The following XPO4 variants were observed in gnomAD, a reference collection of about 807,000 sequenced individuals.
The protein encoded by XPO4 is exportin-4.
In XPO4, 39 loss-of-function variants were observed where a neutral mutation model predicts 143.0. The ratio of observed to expected loss-of-function variants is 0.27; its 90% confidence interval spans 0.21 to 0.36. XPO4 has a LOEUF of 0.36. Among genes scored for constraint, XPO4 ranks in the 10% least tolerant of loss-of-function variants. The probability of loss-of-function intolerance (pLI) is 1.00; values close to 1 mark genes in which losing one functional copy is unlikely to be tolerated. For synonymous variants in XPO4, 439 were observed against 474.0 expected (o/e 0.93, Z 0.96); for missense variants, 907 against 1,348.0 (o/e 0.67, Z 5.12).
chr13:20,855,058 T>C (rs1303763432), intron 4 of XPO4, among the ~76,000 whole-genome samples: 2 of 152,222 alleles, frequency 1.3e-5, no homozygotes, highest in East Asian at 3.8e-4. Context: ...TATAATATTT[T>C]ATAACAATTA....
At chr13:20,880,420 G>A (rs982782077) in intron 1 of XPO4, among the ~76,000 whole-genome samples, 11 of 150,824 alleles carry the variant, frequency 7.3e-5, no homozygotes, top group African/African-American at 2.4e-4. Context: ...CGACAAGAGC[G>A]AGACTCCGTC....
chr13:20,852,665 T>C, intron 4 of XPO4: 1 of 973,618 alleles, frequency 1.0e-6, no homozygotes, highest in Non-Finnish European at 1.2e-6. Flanking sequence ...TATGAATATT[T>C]ATGGCAACAT....
chr13:20,778,471 C>T lies in XPO4; in HGVS notation c.*5251G>A, dbSNP rs1215855258. ...GCAAAGGGTGGATCTATCTAGCACACAGTAATATGGTAATTCACCACTTTC... is the reference window on the plus strand; with the variant it reads ...GCAAAGGGTGGATCTATCTAGCACATAGTAATATGGTAATTCACCACTTTC... On this transcript the variant is annotated 3_prime_UTR_variant, in exon 23 of 23. Coordinates refer to ENST00000255305, the MANE Select transcript of XPO4 (RefSeq NM_022459.5). 2 of 152,144 alleles carry T rather than the reference C, an allele frequency of 1.3e-5. No individual in the cohort carries two copies. The highest frequency in any genetic ancestry group is 2.4e-5 in the African/African-American group (1 of 41,430). The allele number at this position is 152,144 out of a possible 1,614,324, so 9.4% of individuals were successfully genotyped here. A position where few individuals can be genotyped will look rare whatever the true frequency, so the allele number is the denominator to read the frequency against.
chr13:20,821,996 T>G (rs1276389892), intron 8 of XPO4, 118 bp from the exon 9 acceptor site: 1 of 1,372,018 alleles, frequency 7.3e-7, no homozygotes, highest in African/African-American at 1.5e-5. Flanking sequence ...ATGTCTCTGT[T>G]TATTAATTTC....
chr13:20,887,290 G>C (rs185868220), intron 1 of XPO4, among the ~76,000 whole-genome samples: 10 of 152,184 alleles, frequency 6.6e-5, no homozygotes, highest in Non-Finnish European at 1.2e-4. Context: ...CATGAACACA[G>C]AAGAAGAAAT....
chr13:20,836,297 T>A (rs2059915883), intron 6 of XPO4, among the ~76,000 whole-genome samples: 1 of 152,206 alleles, frequency 6.6e-6, no homozygotes, highest in African/African-American at 2.4e-5. Flanking sequence ...TGATATTCGG[T>A]GTAGATCAAA....
At chr13:20,881,938 T>C (rs1240542659) in intron 1 of XPO4, among the ~76,000 whole-genome samples, 1 of 151,118 alleles carries the variant, frequency 6.6e-6, no homozygotes, top group Non-Finnish European at 1.5e-5. Context: ...TGAAACCCCG[T>C]CTCTACTAAA....
chr13:20,809,734 G>A (rs1305668331), intron 10 of XPO4, 57 bp downstream of exon 10: 57 of 1,510,028 alleles, frequency 3.8e-5, no homozygotes, highest in Non-Finnish European at 5.0e-5. Context: ...GTGTAACATG[G>A]TAAAATATAG....
chr13:20,874,326 T>G (rs2060331438), intron 1 of XPO4, among the ~76,000 whole-genome samples: 2 of 152,236 alleles, frequency 1.3e-5, no homozygotes, highest in African/African-American at 4.8e-5. Context: ...ACTCATATCA[T>G]AGAGCTCATT....
intron 6 of XPO4, among the ~76,000 whole-genome samples, chr13:20,832,047 T>C (rs2059859812): frequency 6.6e-6 from 1 of 152,014 alleles, no homozygotes; most frequent in African/African-American, 2.4e-5. Context: ...CCTATCTAGC[T>C]CTAAAATTCT....
intron 3 of XPO4, among the ~76,000 whole-genome samples, chr13:20,857,625 G>A (rs2060156945): frequency 6.6e-6 from 1 of 152,120 alleles, no homozygotes; most frequent in Non-Finnish European, 1.5e-5. Flanking sequence ...TACTCGGGAG[G>A]CTGAGGCAGG....
At chr13:20,812,238 G>A (rs1164095032) in intron 9 of XPO4, among the ~76,000 whole-genome samples, 3 of 152,116 alleles carry the variant, frequency 2.0e-5, no homozygotes, top group African/African-American at 4.8e-5. Context: ...GGGCATGGTG[G>A]CAGGAGCCTG....
At position 20,821,842 on chromosome 13, in the gene XPO4, G is replaced by T; in HGVS notation, c.1035C>A (p.Ser345=). 1 of 1,613,808 alleles carries T rather than the reference G, an allele frequency of 6.2e-7. No individual in the cohort carries two copies. The change falls in exon 9 of 23, where the codon TCC becomes TCA. Residue 345 remains serine, a synonymous_variant. Transcript: ENST00000255305. ...EIEDSEAVGI[S]SIISNLITVF... is the part of the protein sequence containing the mutation. Reference sequence around the variant, plus strand: ...CGGTTATCAGGTTGCTGATAATGCTGGAGATCCCCACAGCTTCAGAATCTT... The same window carrying T: ...CGGTTATCAGGTTGCTGATAATGCTTGAGATCCCCACAGCTTCAGAATCTT...
chr13:20,849,441 A>T (rs1198914213), intron 4 of XPO4: 1 of 984,146 alleles, frequency 1.0e-6, no homozygotes. Context: ...TAAGACAAAT[A>T]TGAATTATAT....
At chr13:20,874,861 C>T (rs7320625) in intron 1 of XPO4, among the ~76,000 whole-genome samples, 52,279 of 151,988 alleles carry the variant, frequency 0.34, 11,110 homozygotes, top group Non-Finnish European at 0.48. Context: ...GGCATGATGG[C>T]AGGTGCCTAT....
At chr13:20,821,958 A>G in intron 8 of XPO4, 80 bp from the exon 9 acceptor site, 2 of 1,420,118 alleles carry the variant, frequency 1.4e-6, no homozygotes, top group Non-Finnish European at 1.9e-6. Context: ...AAACAAGCAA[A>G]TATCGTTACT....
intron 7 of XPO4, among the ~76,000 whole-genome samples, chr13:20,825,914 T>C (rs536994880): frequency 6.6e-6 from 1 of 152,304 alleles, no homozygotes; most frequent in East Asian, 1.9e-4. Context: ...GTTCTAGATA[T>C]TTTAAAATAC....
intron 4 of XPO4, among the ~76,000 whole-genome samples, chr13:20,855,208 C>A (rs1292356948): frequency 6.6e-6 from 1 of 152,102 alleles, no homozygotes; most frequent in East Asian, 1.9e-4. Flanking sequence ...GTAATACCAG[C>A]ACTTCGGGAG....
Position 20,787,511 on chromosome 13 carries a change from T to C in XPO4, c.3135A>G (p.Pro1045=). Residue 1045 remains proline (P), a synonymous_variant, in exon 21 of 23, where the codon CCA becomes CCG. Coordinates refer to ENST00000255305, the MANE Select transcript of XPO4 (RefSeq NM_022459.5). Reference sequence around the variant, plus strand: ...GAAAGTGCCGTGTTGCTAGAAAAAGTGGTGAGTCTGTTTCTTGTGCTTTTG... The same window carrying C: ...GAAAGTGCCGTGTTGCTAGAAAAAGCGGTGAGTCTGTTTCTTGTGCTTTTG... ...QCAKAQETDS[P]LFLATRHFLK... The C allele has an allele frequency of 1.2e-6, 2 of 1,614,224 alleles. No individual in the cohort carries two copies. Among genetic ancestry groups the C allele is most frequent in the East Asian group, 4.5e-5 (2 of 44,878 alleles).
Sources: allele counts gnomAD v4.1 joint callset (sites outside exome capture counted in the v4.1 genomes callset), GRCh38; gene constraint gnomAD v4.1.1; transcripts MANE v1.5; gene names NCBI Gene and HGNC (gene_info 2026-07-23, HGNC 2026-07-21).